CCL4L2: variants seen among roughly 807,000 people sequenced by gnomAD.
CCL4L2 encodes the protein C-C motif chemokine ligand 4 like 2.
Under a neutral mutation model 5.9 loss-of-function variants are expected in CCL4L2, and 3 were observed. The ratio of observed to expected loss-of-function variants is 0.51; its 90% CI spans 0.23 to 1.32. The LOEUF (loss-of-function observed/expected upper bound fraction) is 1.32, where lower values mean the gene tolerates loss of function less well. Ranked by LOEUF, CCL4L2 falls within the 40% of genes most tolerant of loss-of-function variation. The pLI, the probability that CCL4L2 is intolerant of heterozygous loss-of-function variation, is 0.18. For missense variants in CCL4L2, 74 were observed against 121.2 expected (o/e 0.61, Z 1.83); for synonymous variants, 36 against 47.6 (o/e 0.76, Z 1.00).
At chr17:36,211,605 A>G in intron 1 of CCL4L2, 171 bp from the exon 2 acceptor site, 1 of 799,612 alleles carries the variant, frequency 1.3e-6, no homozygotes, top group Non-Finnish European at 2.2e-6. Flanking sequence ...TTCTCTGAAG[A>G]TCCACTATTC....
Position 36,211,159 on chromosome 17 carries a change from T to C in CCL4L2, c.18T>C (p.Thr6=), listed in dbSNP as rs2068767269. Reference sequence around the variant, plus strand: ...CCAATACCATGAAGCTCTGCGTGACTGTCCTGTCTCTCCTCGTGCTAGTAG... The same window carrying C: ...CCAATACCATGAAGCTCTGCGTGACCGTCCTGTCTCTCCTCGTGCTAGTAG... Residue 6 remains threonine (T), a synonymous_variant, in exon 1 of 3, where the codon ACT becomes ACC. Transcript: ENST00000617405. The C allele has an allele frequency of 6.3e-7, 1 of 1,581,636 alleles. No homozygotes were observed. The highest frequency in any genetic ancestry group is 1.3e-5 in the African/African-American group (1 of 74,754).
rs2068796019 is a variant in CCL4L2, at chr17:36,212,204, C to T, written c.192-99C>T. 47 of 708,800 alleles carry T rather than the reference C, an allele frequency of 6.6e-5. 6 individuals are homozygous for T. The South Asian group carries it at 6.7e-4, about 10-fold the overall frequency. The allele number at this position is 708,800 out of a possible 1,614,324, so 43.9% of individuals were successfully genotyped here. A position where few individuals can be genotyped will look rare whatever the true frequency, so the allele number is the denominator to read the frequency against. On this transcript the variant is annotated intron_variant, in intron 2 of 2. Coordinates refer to ENST00000617405, the MANE Select transcript of CCL4L2 (RefSeq NM_001291475.2). Reference sequence around the variant, plus strand: ...GCTAGAAAAACATGTGGAAAAGTCACTACCAGGCTGGCAGGGAATGGGGCA... The same window carrying T: ...GCTAGAAAAACATGTGGAAAAGTCATTACCAGGCTGGCAGGGAATGGGGCA...
chr17:36,212,342 C>T lies in CCL4L2; in HGVS notation c.231C>T (p.Ser77=), dbSNP rs4796193. The stretch of plus-strand genomic sequence containing the variant: ...AGGGAGTCTGCTTCCAGTGCTGCTC[C>T]GGGAAGGATCCCATCCACCAGAGCT... The change falls in exon 3 of 3, where the codon TCC becomes TCT. Residue 77 remains serine, a synonymous_variant. Transcript: ENST00000617405. 39 of 1,075,952 alleles carry T rather than the reference C, an allele frequency of 3.6e-5. 4 individuals carry two copies. Among genetic ancestry groups the T allele is most frequent in the South Asian group, 2.8e-4 (22 of 78,108 alleles). 66.7% of individuals were successfully genotyped at this position (1,075,952 alleles called of 1,614,324 possible). A position where few individuals can be genotyped will look rare whatever the true frequency, so the allele number is the denominator to read the frequency against.
At position 36,212,074 on chromosome 17, in the gene CCL4L2, C is replaced by G. The variant is rs1288431910; in HGVS notation, c.191+184C>G. ...TCAAGTGCTGAAGGCGGCTGAGTGG[C>G]AGCCGAGACAGAAGGGGGTTCCTGG... is the stretch of plus-strand genomic sequence containing the variant. On this transcript the variant is annotated intron_variant, in intron 2 of 2. Transcript: ENST00000617405. 46 of 809,752 alleles carry G rather than the reference C, an allele frequency of 5.7e-5. 5 individuals are homozygous for G. The highest frequency in any genetic ancestry group is 2.5e-4 in the Middle Eastern group (1 of 3,978). 50.2% of individuals were successfully genotyped at this position (809,752 alleles called of 1,614,324 possible).
rs2068817853 is a variant in CCL4L2 at position 36,212,847 on chromosome 17, T to C, written c.*424T>C. 1 of 504,172 alleles carries C rather than the reference T, an allele frequency of 2.0e-6. No homozygotes were observed. Among genetic ancestry groups the C allele is most frequent in the Admixed American group, 3.3e-5 (1 of 30,356 alleles). The allele number at this position is 504,172 out of a possible 1,614,324, so 31.2% of individuals were successfully genotyped here. ...ACACCGTTAATTCCATGTGTTTTCA[T>C]AATAAAACTTTAAAATAAAATGCAA... On this transcript the variant is annotated 3_prime_UTR_variant, in exon 3 of 3. Coordinates refer to ENST00000617405, the MANE Select transcript of CCL4L2 (RefSeq NM_001291475.2).
chr17:36,212,212 C>G, intron 2 of CCL4L2: 1 of 711,104 alleles, frequency 1.4e-6, no homozygotes, highest in Non-Finnish European at 2.6e-6. Flanking sequence ...CACTACCAGG[C>G]TGGCAGGGAA....
At chr17:36,211,947 G>A in intron 2 of CCL4L2, 57 bp downstream of exon 2, 1 of 1,537,164 alleles carries the variant, frequency 6.5e-7, no homozygotes, top group Non-Finnish European at 8.9e-7. Flanking sequence ...GATTTTTAAA[G>A]GGGGCCTGTT....
rs1342204864 is a variant in CCL4L2, at chr17:36,212,065, G to A, written c.191+175G>A. 35 of 865,308 alleles carry A rather than the reference G, an allele frequency of 4.0e-5. 4 individuals carry two copies. The Middle Eastern group carries it at 9.7e-4, about 24-fold the overall frequency. 53.6% of individuals were successfully genotyped at this position (865,308 alleles called of 1,614,324 possible). A position where few individuals can be genotyped will look rare whatever the true frequency, so the allele number is the denominator to read the frequency against. ...ACTCACTTTTCAAGTGCTGAAGGCG[G>A]CTGAGTGGCAGCCGAGACAGAAGGG... On this transcript the variant is annotated intron_variant, in intron 2 of 2. Coordinates refer to ENST00000617405, the MANE Select transcript of CCL4L2 (RefSeq NM_001291475.2).
At chr17:36,211,383 A>G in intron 1 of CCL4L2, 166 bp downstream of exon 1, 1 of 985,336 alleles carries the variant, frequency 1.0e-6, no homozygotes, top group Admixed American at 1.7e-5. Flanking sequence ...ATTCAGTAAC[A>G]TTCAAGTTCC....
chr17:36,212,649 C>G lies in CCL4L2; in HGVS notation c.*226C>G, dbSNP rs1367880461. Reference sequence around the variant, plus strand: ...CCATGAGCCGCATCTCCTCCATACTCAGGACTCCTCTCCGCAGTTCCTGTC... The same window carrying G: ...CCATGAGCCGCATCTCCTCCATACTGAGGACTCCTCTCCGCAGTTCCTGTC... On this transcript the variant is annotated 3_prime_UTR_variant, in exon 3 of 3. Transcript: ENST00000617405. The G allele has an allele frequency of 2.8e-6, 4 of 1,450,190 alleles. No individual in the cohort carries two copies. The highest frequency in any genetic ancestry group is 3.9e-6 in the Non-Finnish European group (4 of 1,035,020). 89.8% of individuals were successfully genotyped at this position (1,450,190 alleles called of 1,614,324 possible).
At chr17:36,211,751 A>C in intron 1 of CCL4L2, 25 bp from the exon 2 acceptor site, 1 of 1,564,790 alleles carries the variant, frequency 6.4e-7, no homozygotes, top group Non-Finnish European at 8.7e-7. Flanking sequence ...GGCAGTGTTG[A>C]TCTCACCCTG....
intron 2 of CCL4L2, chr17:36,212,145 G>A: frequency 1.4e-6 from 1 of 698,720 alleles, no homozygotes; most frequent in Non-Finnish European, 2.6e-6. Flanking sequence ...AGGCAGACAG[G>A]TCCCGTGAGA....
At chr17:36,211,696 T>C (rs2068779665) in intron 1 of CCL4L2, 80 bp from the exon 2 acceptor site, 1 of 1,467,946 alleles carries the variant, frequency 6.8e-7, no homozygotes, top group African/African-American at 1.3e-5. Context: ...ACAGGGATGC[T>C]CAATGAAGAT....
At position 36,211,171 on chromosome 17, in the gene CCL4L2, C is replaced by T. The variant is rs2068767756; in HGVS notation, c.30C>T (p.Leu10=). Reference sequence around the variant, plus strand: ...AGCTCTGCGTGACTGTCCTGTCTCTCCTCGTGCTAGTAGCTGCCTTCTGCT... The same window carrying T: ...AGCTCTGCGTGACTGTCCTGTCTCTTCTCGTGCTAGTAGCTGCCTTCTGCT... Residue 10 remains leucine (L), a synonymous_variant, in exon 1 of 3, where the codon CTC becomes CTT. Transcript: ENST00000617405. 5.7e-6 allele frequency: 9 copies of T among 1,581,614 alleles called. 1 individual carries two copies. Among genetic ancestry groups the T allele is most frequent in the Non-Finnish European group, 7.8e-6 (9 of 1,156,800 alleles).
At chr17:36,211,561 T>A in intron 1 of CCL4L2, 1 of 693,778 alleles carries the variant, frequency 1.4e-6, no homozygotes, top group Non-Finnish European at 2.7e-6. Context: ...TGAGACTGAA[T>A]CCAGTTCCAA....
rs2068810283 is a variant in CCL4L2, at chr17:36,212,614, G to A, written c.*191G>A. On this transcript the variant is annotated 3_prime_UTR_variant, in exon 3 of 3. Coordinates refer to ENST00000617405, the MANE Select transcript of CCL4L2 (RefSeq NM_001291475.2). ...TCTTCAGGGAAGGTCACCTGAGCCT[G>A]GATGCTTCTCCATGAGCCGCATCTC... 6.4e-7 allele frequency: 1 copy of A among 1,569,730 alleles called. No individual in the cohort carries two copies. Among genetic ancestry groups the A allele is most frequent in the Non-Finnish European group, 8.7e-7 (1 of 1,145,778 alleles).
Position 36,212,439 on chromosome 17 carries a change from A to C in CCL4L2, c.*16A>C. 2 of 1,576,376 alleles carry C rather than the reference A, an allele frequency of 1.3e-6. No individual in the cohort carries two copies. Among genetic ancestry groups the C allele is most frequent in the Non-Finnish European group, 1.7e-6 (2 of 1,151,814 alleles). ...CAAGGGATAAAGCCAGATGACCTCA[A>C]AGGTCCCATGGGATTCTAATCTGTC... On this transcript the variant is annotated 3_prime_UTR_variant, in exon 3 of 3. Transcript: ENST00000617405.
chr17:36,211,445 A>T, intron 1 of CCL4L2: 1 of 731,194 alleles, frequency 1.4e-6, no homozygotes, highest in East Asian at 2.5e-5. Context: ...GCTGGAAGTC[A>T]GACTGTTGAA....
chr17:36,211,582 T>G (rs2068776826), intron 1 of CCL4L2, 194 bp from the exon 2 acceptor site: 1 of 727,962 alleles, frequency 1.4e-6, no homozygotes, highest in African/African-American at 1.6e-5. Flanking sequence ...TCTTCTAGAT[T>G]TCTTTCTCGT....
Sources: allele counts gnomAD v4.1 joint callset, GRCh38; gene constraint gnomAD v4.1.1; transcripts MANE v1.5; gene names NCBI Gene and HGNC (gene_info 2026-07-23, HGNC 2026-07-21).